Variants in DNAJC13 observed in about 807,000 individuals in gnomAD.
The protein encoded by DNAJC13 is DnaJ heat shock protein family (Hsp40) member C13.
Under a neutral mutation model 290.5 loss-of-function variants are expected in DNAJC13, and 75 were observed. That is an observed-to-expected ratio of 0.26 (90% CI 0.21 to 0.31). The LOEUF (loss-of-function observed/expected upper bound fraction) is 0.31. Ranked by LOEUF, DNAJC13 falls within the 10% of genes least tolerant of loss-of-function variation. The probability of loss-of-function intolerance (pLI) is 1.00; values close to 1 mark genes in which losing one functional copy is unlikely to be tolerated. For missense variants in DNAJC13, 2,260 were observed against 2,674.5 expected, an observed-to-expected ratio of 0.85 and a Z score of 3.42; for synonymous variants, 862 against 892.0, an observed-to-expected ratio of 0.97 and a Z score of 0.60.
At chr3:132,537,716 T>C (rs772744286) in intron 55 of DNAJC13, among the ~76,000 whole-genome samples, 3 of 152,242 alleles carry the variant, frequency 2.0e-5, no homozygotes, top group Non-Finnish European at 4.4e-5. Context: ...TTACTTGTTA[T>C]AATAGCATTT....
chr3:132,496,239 C>T (rs771462443), intron 35 of DNAJC13, among the ~76,000 whole-genome samples: 24 of 151,978 alleles, frequency 1.6e-4, no homozygotes, highest in African/African-American at 3.1e-4. Flanking sequence ...GTTATATAGA[C>T]GCAAACTCTC....
chr3:132,462,443 T>C, intron 15 of DNAJC13, 24 bp from the exon 16 acceptor site: 2 of 1,602,054 alleles, frequency 1.2e-6, no homozygotes, highest in East Asian at 2.2e-5. Flanking sequence ...TATTTTTTGA[T>C]ACTTTTTCCC....
chr3:132,471,859 G>T (rs1274250376), intron 20 of DNAJC13, among the ~76,000 whole-genome samples: 1 of 147,192 alleles, frequency 6.8e-6, no homozygotes, highest in Non-Finnish European at 1.5e-5. Context: ...CCGGGCAGAG[G>T]CTGCAATCTC....
intron 51 of DNAJC13, 62 bp from the exon 52 acceptor site, chr3:132,525,548 C>T: frequency 6.6e-7 from 1 of 1,525,722 alleles, no homozygotes; most frequent in African/African-American, 1.4e-5. Flanking sequence ...AATACATTAC[C>T]TTGGATATTT....
At chr3:132,519,953 T>A (rs1432536479) in intron 48 of DNAJC13, among the ~76,000 whole-genome samples, 1 of 152,176 alleles carries the variant, frequency 6.6e-6, no homozygotes, top group Admixed American at 6.5e-5. Flanking sequence ...TGGCAGCAGA[T>A]GCAAGAGGAG....
chr3:132,492,506 T>G lies in DNAJC13; in HGVS notation c.3716T>G (p.Ile1239Ser). Residue 1239 changes from isoleucine (I) to serine (S), a missense_variant, in exon 33 of 56, where the codon ATT becomes AGT. Around this residue, in one of 3 missense-constraint regions of DNAJC13, gnomAD observed 1,494 missense variants for 1,693.7 expected, o/e 0.88. Coordinates refer to ENST00000260818, the MANE Select transcript of DNAJC13 (RefSeq NM_015268.4). ...AGAGCACTTTATCAGTATTGCCCCATTCCTATAATCAACTATCCACAACTC... is the reference window on the plus strand; with the variant it reads ...AGAGCACTTTATCAGTATTGCCCCAGTCCTATAATCAACTATCCACAACTC... ...NTRALYQYCP[I>S]PIINYPQLEN... is the part of the protein sequence containing the mutation. 5.6e-6 allele frequency: 9 copies of G among 1,613,900 alleles called. No homozygotes were observed. Among genetic ancestry groups the G allele is most frequent in the Non-Finnish European group, 7.6e-6 (9 of 1,179,846 alleles).
chr3:132,487,189 A>G (rs1934904934), intron 29 of DNAJC13, among the ~76,000 whole-genome samples: 2 of 152,180 alleles, frequency 1.3e-5, no homozygotes, highest in Admixed American at 6.6e-5. Flanking sequence ...AGTCTCACAT[A>G]TGAGTATAGA....
rs375292732 is a variant in DNAJC13 at position 132,453,406 on chromosome 3, G to A, written c.646G>A (p.Glu216Lys). Residue 216 changes from glutamate to lysine, a missense_variant, in exon 7 of 56, where the codon GAG (glutamate) becomes AAG (lysine). Around this residue, in one of 3 missense-constraint regions of DNAJC13, gnomAD observed 762 missense variants for 964.1 expected, o/e 0.79. Coordinates refer to ENST00000260818, the MANE Select transcript of DNAJC13 (RefSeq NM_015268.4). ...GATCAGGAAAGAGCCTTTAGAATTC[G>A]AGCAATATTTGAATCTTCGCTTTGG... ...LRIRKEPLEF[E>K]QYLNLRFGKY... 13 of 1,613,832 alleles carry A rather than the reference G, an allele frequency of 8.1e-6. No homozygotes were observed. The highest frequency in any genetic ancestry group is 4.0e-5 in the African/African-American group (3 of 75,008).
chr3:132,505,519 TGTCA>T (rs1258747076), intron 42 of DNAJC13, 104 bp downstream of exon 42: 3 of 745,816 alleles, frequency 4.0e-6, no homozygotes, highest in Non-Finnish European at 2.2e-6. Flanking sequence ...CTCACTTTAG[TGTCA>T]GTCAGTATGG....
At chr3:132,462,162 A>C (rs1348574051) in intron 15 of DNAJC13, among the ~76,000 whole-genome samples, 5 of 152,172 alleles carry the variant, frequency 3.3e-5, no homozygotes, top group African/African-American at 4.8e-5. Context: ...GTATGTATAT[A>C]TGATGTTTAT....
In DNAJC13 at chr3:132,530,987, T is replaced by C. The variant is rs773299457; in HGVS notation, c.6526-11T>C. The C allele has an allele frequency of 1.1e-5, 18 of 1,611,406 alleles. No homozygotes were observed. The South Asian group carries it at 1.8e-4, about 16-fold the overall frequency. ...GATTTTATGTTCAAAGGGCTTGTTT[T>C]ACTTTCCTAGGTGAATGAAATCCTG... On this transcript the variant is annotated splice_polypyrimidine_tract_variant and intron_variant, in intron 54 of 55. Coordinates refer to ENST00000260818, the MANE Select transcript of DNAJC13 (RefSeq NM_015268.4).
intron 1 of DNAJC13, among the ~76,000 whole-genome samples, chr3:132,426,252 T>C (rs752504505): frequency 2.6e-5 from 4 of 152,180 alleles, no homozygotes; most frequent in Non-Finnish European, 5.9e-5. Flanking sequence ...ATTTAGGATA[T>C]AGCATGAAAA....
intron 53 of DNAJC13, 32 bp from the exon 54 acceptor site, chr3:132,528,157 G>T (rs1306140809): frequency 6.2e-7 from 1 of 1,604,512 alleles, no homozygotes; most frequent in Non-Finnish European, 8.5e-7. Context: ...CATTTTTTCT[G>T]TGTGTTTATA....
rs61726289 is a variant in DNAJC13, at chr3:132,469,963, C to CTTTTTTTTTTTTTTTTTTTTTTT, written c.2208+2657_2208+2679dup. On this transcript the variant is annotated intron_variant, in intron 20 of 55. Transcript: ENST00000260818. Reference sequence around the variant, plus strand: ...ATGGGTTTCATTTGGAGCAGAGATTCTTTTTTTTTTTTTTTTTTTTTTTTT... The same window carrying CTTTTTTTTTTTTTTTTTTTTTTT: ...ATGGGTTTCATTTGGAGCAGAGATTCTTTTTTTTTTTTTTTTTTTTTTTTTTTTTTTTTTTTTTTTTTTTTTTT... Among the ~76,000 whole-genome samples, 37 of 61,152 alleles carry CTTTTTTTTTTTTTTTTTTTTTTT rather than the reference C, an allele frequency of 6.1e-4. 1 individual carries two copies. Among genetic ancestry groups the CTTTTTTTTTTTTTTTTTTTTTTT allele is most frequent in the East Asian group, 2.8e-3 (4 of 1,404 alleles). The allele number at this position is 61,152 out of a possible 152,430, so 40.1% of individuals were successfully genotyped here. A position where few individuals can be genotyped will look rare whatever the true frequency, so the allele number is the denominator to read the frequency against.
chr3:132,418,287 A>G (rs531454046), intron 1 of DNAJC13, among the ~76,000 whole-genome samples: 1 of 152,208 alleles, frequency 6.6e-6, no homozygotes, highest in South Asian at 2.1e-4. Context: ...TTCTCCCCTA[A>G]GGCTTTTCCT....
intron 27 of DNAJC13, among the ~76,000 whole-genome samples, 198 bp downstream of exon 27, chr3:132,482,528 T>G (rs1934713727): frequency 6.6e-6 from 1 of 152,198 alleles, no homozygotes; most frequent in African/African-American, 2.4e-5. Flanking sequence ...AAACCTTGTT[T>G]AAAAGCTGTT....
At chr3:132,473,735 G>T (rs574589618) in intron 21 of DNAJC13, among the ~76,000 whole-genome samples, 2 of 152,166 alleles carry the variant, frequency 1.3e-5, no homozygotes, top group South Asian at 4.2e-4. Context: ...TGGGGAGTTT[G>T]CAAAGCTTCT....
At chr3:132,428,424 G>A (rs1400498150) in intron 1 of DNAJC13, among the ~76,000 whole-genome samples, 1 of 152,168 alleles carries the variant, frequency 6.6e-6, no homozygotes, top group African/African-American at 2.4e-5. Context: ...CCGGGAAATA[G>A]ATCTCAGCCT....
intron 51 of DNAJC13, 77 bp from the exon 52 acceptor site, chr3:132,525,533 C>A: frequency 6.9e-7 from 1 of 1,457,032 alleles, no homozygotes; most frequent in African/African-American, 1.4e-5. Flanking sequence ...TAGTTTTGAA[C>A]ACCAAATACA....
Sources: gnomAD v4.1 joint callset for allele counts (sites outside exome capture counted in the v4.1 genomes callset) on GRCh38, gnomAD v4.1.1 for gene constraint, gnomAD v4.1.1 regional missense constraint, MANE v1.5 for transcripts, NCBI Gene and HGNC (gene_info 2026-07-23, HGNC 2026-07-21) for gene names.